Variants in ESRRG observed in about 807,000 individuals in gnomAD.
The protein encoded by ESRRG is estrogen related receptor gamma.
In ESRRG, 13 loss-of-function variants were observed where a neutral mutation model predicts 44.0. That is an observed-to-expected ratio of 0.30 (90% confidence interval 0.19 to 0.47). The LOEUF (loss-of-function observed/expected upper bound fraction) is 0.47. Among genes scored for constraint, ESRRG ranks in the 20% least tolerant of loss-of-function variants. The pLI is 1.00. For synonymous variants in ESRRG, 215 were observed against 214.6 expected (o/e 1.00, Z -0.02); for missense variants, 395 against 580.6 (o/e 0.68, Z 3.29).
intron 1 of ESRRG, among the ~76,000 whole-genome samples, chr1:217,046,594 G>C (rs1304916754): frequency 6.6e-6 from 1 of 152,084 alleles, no homozygotes; most frequent in Non-Finnish European, 1.5e-5. Flanking sequence ...ACACAGAATG[G>C]GATAAGAATG....
chr1:217,011,358 T>C (rs2078585653), intron 1 of ESRRG, among the ~76,000 whole-genome samples: 1 of 152,196 alleles, frequency 6.6e-6, no homozygotes, highest in African/African-American at 2.4e-5. Flanking sequence ...TGGTGGACAC[T>C]ACAATGCTAG....
intron 2 of ESRRG, among the ~76,000 whole-genome samples, chr1:216,780,158 C>T (rs1417110228): frequency 6.6e-6 from 1 of 151,898 alleles, no homozygotes; most frequent in East Asian, 1.9e-4. Flanking sequence ...ATGATTAAAC[C>T]TTAATACAAC....
intron 1 of ESRRG, chr1:216,714,938 A>G (rs536505577): frequency 3.9e-6 from 1 of 258,386 alleles, no homozygotes; most frequent in South Asian, 1.5e-4. Context: ...TACTTGAATG[A>G]CTGAGTAACA....
At chr1:216,768,427 G>A (rs2093196572) in intron 2 of ESRRG, among the ~76,000 whole-genome samples, 1 of 136,054 alleles carries the variant, frequency 7.4e-6, no homozygotes, top group African/African-American at 2.9e-5. Context: ...GAGGTAAATA[G>A]ATATAGATAG....
intron 3 of ESRRG, among the ~76,000 whole-genome samples, chr1:216,582,009 G>T (rs1416795495): frequency 1.3e-5 from 2 of 152,038 alleles, no homozygotes; most frequent in African/African-American, 4.8e-5. Context: ...ATTATAAGTT[G>T]GTCACTATTT....
intron 2 of ESRRG, chr1:216,936,706 G>GAAAAAAA (rs965783580): frequency 7.0e-6 from 1 of 143,450 alleles, no homozygotes. Context: ...GGACCTTGAG[G>GAAAAAAA]AAAAAAAAAA....
intron 2 of ESRRG, among the ~76,000 whole-genome samples, chr1:216,873,889 AAG>A (rs2096298906): frequency 7.2e-5 from 2 of 27,818 alleles, no homozygotes; most frequent in Non-Finnish European, 1.3e-4. Context: ...GAGGGAAGGG[AAG>A]GGAAGGGAAG....
intron 3 of ESRRG, among the ~76,000 whole-genome samples, chr1:216,625,456 G>C (rs1574329539): frequency 7.6e-6 from 1 of 131,480 alleles, no homozygotes; most frequent in Admixed American, 8.0e-5. Context: ...ATTAACACTT[G>C]TTCTCCATAT....
In ESRRG at chr1:216,530,002, C is replaced by A. The variant is rs1039757717; in HGVS notation, c.863-10581G>T. On this transcript the variant is annotated intron_variant, in intron 5 of 6. Transcript: ENST00000408911. ...TGGCATGGGTATGTATTCCCAGCTA[C>A]TCAGGAGGCTGAGGCAGGAAAATCG... is the stretch of plus-strand genomic sequence containing the variant. Among the ~76,000 whole-genome samples, 8 of 150,772 alleles carry A rather than the reference C, an allele frequency of 5.3e-5. No homozygotes were observed. In the South Asian group the frequency reaches 1.7e-3, roughly 32 times the overall value.
intron 5 of ESRRG, among the ~76,000 whole-genome samples, chr1:216,542,957 A>C (rs2149289422): frequency 6.6e-6 from 1 of 152,118 alleles, no homozygotes; most frequent in Non-Finnish European, 1.5e-5. Flanking sequence ...TTGAAAATGT[A>C]CAGCAGTGTT....
chr1:216,639,297 T>C (rs767284291), intron 3 of ESRRG, among the ~76,000 whole-genome samples: 6 of 151,482 alleles, frequency 4.0e-5, no homozygotes, highest in Non-Finnish European at 7.4e-5. Context: ...CTTAATGGGG[T>C]GGAGAGGGTG....
At chr1:217,036,311 G>A (rs1403094532) in intron 1 of ESRRG, among the ~76,000 whole-genome samples, 1 of 152,182 alleles carries the variant, frequency 6.6e-6, no homozygotes, top group Admixed American at 6.5e-5. Flanking sequence ...CCATTACTTG[G>A]TATATACCCA....
intron 2 of ESRRG, among the ~76,000 whole-genome samples, chr1:216,837,997 G>A (rs961532616): frequency 6.6e-6 from 1 of 152,110 alleles, no homozygotes; most frequent in Admixed American, 6.6e-5. Context: ...CCACAGCCTA[G>A]GTTTGGGAGA....
intron 2 of ESRRG, among the ~76,000 whole-genome samples, chr1:216,825,917 T>C (rs1004468816): frequency 1.3e-5 from 2 of 152,144 alleles, no homozygotes; most frequent in Non-Finnish European, 2.9e-5. Context: ...AGTTCTTCAG[T>C]GGCAAAAACC....
intron 2 of ESRRG, among the ~76,000 whole-genome samples, chr1:216,789,871 C>T (rs1039773021): frequency 2.6e-5 from 4 of 152,140 alleles, no homozygotes; most frequent in African/African-American, 7.2e-5. Context: ...CACTGCTACT[C>T]GTCCATCAAA....
chr1:216,950,781 A>G (rs534216279), intron 1 of ESRRG, among the ~76,000 whole-genome samples: 1 of 152,296 alleles, frequency 6.6e-6, no homozygotes, highest in East Asian at 1.9e-4. Context: ...AGAAATTCGT[A>G]TTCTTAGTTG....
intron 5 of ESRRG, among the ~76,000 whole-genome samples, chr1:216,533,826 C>T (rs1267901338): frequency 2.6e-5 from 4 of 152,128 alleles, no homozygotes; most frequent in South Asian, 2.1e-4. Flanking sequence ...GAAAGAGCCA[C>T]GGTTGAAAAT....
At chr1:216,665,148 G>A (rs943254756) in intron 2 of ESRRG, among the ~76,000 whole-genome samples, 4 of 151,992 alleles carry the variant, frequency 2.6e-5, no homozygotes, top group African/African-American at 9.7e-5. Flanking sequence ...TTTTAGTACT[G>A]TATATTGTTA....
chr1:216,697,001 T>G (rs2080296028), intron 1 of ESRRG, among the ~76,000 whole-genome samples: 1 of 151,946 alleles, frequency 6.6e-6, no homozygotes, highest in Non-Finnish European at 1.5e-5. Flanking sequence ...AGTCTCACTC[T>G]GTTGCCCGGG....
Sources: allele counts gnomAD v4.1 joint callset (sites outside exome capture counted in the v4.1 genomes callset), GRCh38; gene constraint gnomAD v4.1.1; transcripts MANE v1.5; gene names NCBI Gene and HGNC (gene_info 2026-07-23, HGNC 2026-07-21).